VPS8: variants seen among roughly 807,000 people sequenced by gnomAD.
VPS8 encodes the protein VPS8 subunit of CORVET complex.
VPS8 carries 129 observed loss-of-function variants against 216.4 expected under a neutral mutation model. The ratio of observed to expected loss-of-function variants is 0.60; its 90% CI spans 0.52 to 0.69. The LOEUF is 0.69. Among genes scored for constraint, VPS8 ranks in the 30% least tolerant of loss-of-function variants. The pLI is 0.00. For synonymous variants in VPS8, 571 were observed against 565.4 expected (o/e 1.01, Z -0.14); for missense variants, 1,531 against 1,683.5 (o/e 0.91, Z 1.59).
Position 184,812,808 on chromosome 3 carries a change from G to C in VPS8, c.-89+583G>C, listed in dbSNP as rs940351723. On this transcript the variant is annotated intron_variant, in intron 1 of 47. Transcript: ENST00000625842. Reference sequence around the variant, plus strand: ...GGAACAGGTGTGTAGCCGGTCTGTCGGGCCTGGGAAACAGGTGTGGACCCC... The same window carrying C: ...GGAACAGGTGTGTAGCCGGTCTGTCCGGCCTGGGAAACAGGTGTGGACCCC... 3.7e-4 allele frequency: 57 copies of C among 152,234 alleles called. 2 individuals carry two copies. The highest frequency in any genetic ancestry group is 1.5e-5 in the Non-Finnish European group (1 of 68,106). The allele number at this position is 152,234 out of a possible 1,614,324, so 9.4% of individuals were successfully genotyped here. A position where few individuals can be genotyped will look rare whatever the true frequency, so the allele number is the denominator to read the frequency against.
At chr3:184,925,005 A>G (rs757129929) in intron 30 of VPS8, 24 bp downstream of exon 30, 4 of 1,606,260 alleles carry the variant, frequency 2.5e-6, no homozygotes, top group East Asian at 4.5e-5. Flanking sequence ...AGTGAAAACT[A>G]AAAGGTTTTT....
Position 184,936,285 on chromosome 3 carries a change from G to T in VPS8, c.2938G>T (p.Val980Phe). The change falls in exon 35 of 48, where the codon GTT becomes TTT. Residue 980 changes from valine to phenylalanine, a missense_variant. Around this residue, in one of 3 missense-constraint regions of VPS8, gnomAD observed 1,318 missense variants for 1,468.4 expected, o/e 0.90. Transcript: ENST00000625842. ...GAAGCCTTGTAAAGCTGCGGAGCTG[G>T]TTGCCACCCACTTTTCTGGACATAT... ...SLKPCKAAEL[V>F]ATHFSGHIET... is the part of the protein sequence containing the mutation. The T allele has an allele frequency of 6.2e-7, 1 of 1,611,822 alleles. No individual in the cohort carries two copies. Among genetic ancestry groups the T allele is most frequent in the Non-Finnish European group, 8.5e-7 (1 of 1,179,052 alleles).
chr3:184,987,997 G>A (rs139635631), intron 42 of VPS8, among the ~76,000 whole-genome samples: 2 of 152,222 alleles, frequency 1.3e-5, no homozygotes, highest in East Asian at 1.9e-4. Context: ...GAGCTTTTAC[G>A]TGCTTTTTGA....
chr3:184,884,396 A>G (rs1730830546), intron 21 of VPS8, among the ~76,000 whole-genome samples: 1 of 152,198 alleles, frequency 6.6e-6, no homozygotes, highest in African/African-American at 2.4e-5. Flanking sequence ...TGCAAAGGAC[A>G]TGAACTCATC....
intron 8 of VPS8, among the ~76,000 whole-genome samples, chr3:184,844,292 G>A (rs926186014): frequency 6.6e-6 from 1 of 152,028 alleles, no homozygotes; most frequent in Non-Finnish European, 1.5e-5. Flanking sequence ...ATGGTGGCAT[G>A]TGCCTGTAAT....
At chr3:184,858,074 T>C (rs1725601262) in intron 14 of VPS8, among the ~76,000 whole-genome samples, 1 of 152,180 alleles carries the variant, frequency 6.6e-6, no homozygotes. Context: ...ATGATACTAC[T>C]ATGGGGAGTG....
chr3:185,013,341 G>A (rs1561117090), intron 45 of VPS8, among the ~76,000 whole-genome samples: 1 of 152,190 alleles, frequency 6.6e-6, no homozygotes, highest in Non-Finnish European at 1.5e-5. Flanking sequence ...GCTTTGCATG[G>A]TGAGCTACTT....
chr3:184,960,058 G>A (rs1345789645), intron 37 of VPS8, among the ~76,000 whole-genome samples: 1 of 150,894 alleles, frequency 6.6e-6, no homozygotes, highest in Non-Finnish European at 1.5e-5. Context: ...CTCATTATTC[G>A]ATTCCCACCT....
At chr3:184,897,442 G>A (rs1343819786) in intron 23 of VPS8, among the ~76,000 whole-genome samples, 1 of 152,218 alleles carries the variant, frequency 6.6e-6, no homozygotes, top group Non-Finnish European at 1.5e-5. Flanking sequence ...GCAGGTCTAA[G>A]TTTGAGAGAC....
At chr3:184,910,676 A>G (rs1195246702) in intron 25 of VPS8, among the ~76,000 whole-genome samples, 4 of 152,102 alleles carry the variant, frequency 2.6e-5, no homozygotes, top group Admixed American at 6.5e-5. Flanking sequence ...ACTCTATTCC[A>G]TATTCGTGGT....
chr3:184,893,549 T>C, intron 22 of VPS8: 4 of 386,398 alleles, frequency 1.0e-5, no homozygotes, highest in Non-Finnish European at 1.5e-5. Context: ...AATTATTAAA[T>C]TGTCAGGGGA....
intron 47 of VPS8, among the ~76,000 whole-genome samples, chr3:185,050,968 G>A (rs562736127): frequency 7.9e-5 from 12 of 152,272 alleles, no homozygotes; most frequent in African/African-American, 2.9e-4. Context: ...AGCTCTGTGG[G>A]GTGGAAGTTA....
rs552714340 is a variant in VPS8, at chr3:184,999,222, T to A, written c.3837-474T>A. On this transcript the variant is annotated intron_variant, in intron 44 of 47. Transcript: ENST00000625842. ...ACAGGTACCTGCCACCACGTCCAGC[T>A]AATTTTTTGTATTTTTAGTAGAGAC... Among the ~76,000 whole-genome samples the A allele has an allele frequency of 1.8e-4, 28 of 152,256 alleles. 1 individual carries two copies. Among genetic ancestry groups the A allele is most frequent in the African/African-American group, 6.7e-4 (28 of 41,570 alleles).
intron 29 of VPS8, among the ~76,000 whole-genome samples, 192 bp downstream of exon 29, chr3:184,920,390 T>C (rs1167813085): frequency 1.3e-5 from 2 of 152,216 alleles, no homozygotes; most frequent in Non-Finnish European, 2.9e-5. Context: ...TTTTAGTGTA[T>C]GTTGGCTTTA....
intron 5 of VPS8, among the ~76,000 whole-genome samples, chr3:184,836,968 C>G (rs1332074565): frequency 1.3e-5 from 2 of 152,072 alleles, no homozygotes; most frequent in East Asian, 3.9e-4. Context: ...TTATGATCAA[C>G]TTGAAAATAC....
chr3:184,981,669 C>T (rs1353021590), intron 40 of VPS8, among the ~76,000 whole-genome samples: 2 of 152,100 alleles, frequency 1.3e-5, no homozygotes, highest in Non-Finnish European at 1.5e-5. Context: ...TTCCTGACCT[C>T]AGGTGGTCTG....
At position 184,820,243 on chromosome 3, in the gene VPS8, G is replaced by A. The variant is rs545292932; in HGVS notation, c.-88-4302G>A. Among the ~76,000 whole-genome samples, 46 of 152,332 alleles carry A rather than the reference G, an allele frequency of 3.0e-4. No individual in the cohort carries two copies. The South Asian group carries it at 9.5e-3, about 32-fold the overall frequency. On this transcript the variant is annotated intron_variant, in intron 1 of 47. Coordinates refer to ENST00000625842, the MANE Select transcript of VPS8 (RefSeq NM_001009921.3). Reference sequence around the variant, plus strand: ...AAATTAAGAGATCAAGACGACTTCAGTCCTTCTGGAGGCTCTCGGAGACCA... The same window carrying A: ...AAATTAAGAGATCAAGACGACTTCAATCCTTCTGGAGGCTCTCGGAGACCA...
chr3:184,984,354 T>C (rs985071626), intron 42 of VPS8, among the ~76,000 whole-genome samples: 3 of 148,496 alleles, frequency 2.0e-5, no homozygotes, highest in Non-Finnish European at 4.5e-5. Flanking sequence ...AGTGCAATGG[T>C]GTGATCTTGG....
intron 24 of VPS8, among the ~76,000 whole-genome samples, chr3:184,898,985 A>G (rs1734003202): frequency 6.6e-6 from 1 of 152,122 alleles, no homozygotes; most frequent in Non-Finnish European, 1.5e-5. Context: ...AAGATACGAA[A>G]AATTTATTTT....
Sources: allele counts gnomAD v4.1 joint callset (sites outside exome capture counted in the v4.1 genomes callset), GRCh38; gene constraint gnomAD v4.1.1; regional missense constraint gnomAD v4.1.1; transcripts MANE v1.5; gene names NCBI Gene and HGNC (gene_info 2026-07-23, HGNC 2026-07-21).